Variants in SPEF2 observed in about 807,000 individuals in gnomAD.
SPEF2 encodes the protein sperm flagella and cilia-associated protein 2.
SPEF2 carries 187 observed loss-of-function variants against 224.6 expected under a neutral mutation model. The ratio of observed to expected loss-of-function variants is 0.83; its 90% CI spans 0.74 to 0.94. The LOEUF (loss-of-function observed/expected upper bound fraction) is 0.94, where lower values mean the gene tolerates loss of function less well. SPEF2 is among the 40% of genes least tolerant of loss of function. The pLI is 0.00. For synonymous variants in SPEF2, 715 were observed against 707.3 expected (o/e 1.01, Z -0.17); for missense variants, 2,170 against 2,135.6 (o/e 1.02, Z -0.32).
Position 35,771,486 on chromosome 5 carries a change from T to C in SPEF2, c.3802-123T>C, listed in dbSNP as rs905674561. The C allele has an allele frequency of 5.6e-6, 7 of 1,255,868 alleles. No individual in the cohort carries two copies. The South Asian group carries it at 1.3e-4, about 23-fold the overall frequency. The allele number at this position is 1,255,868 out of a possible 1,614,324, so 77.8% of individuals were successfully genotyped here. On this transcript the variant is annotated intron_variant, in intron 26 of 36. Transcript: ENST00000356031. ...TGGGGTGTGTTTTGTAAAGTTCGAG[T>C]ACGTGGGCACAATTGTTTACAGTGG...
intron 30 of SPEF2, chr5:35,789,491 C>T (rs1282546509): frequency 1.5e-6 from 1 of 656,406 alleles, no homozygotes; most frequent in South Asian, 1.7e-5. Context: ...TTTCTTTTCT[C>T]CCCAGACTAG....
At chr5:35,671,235 A>G (rs1216544349) in intron 10 of SPEF2, 2 of 984,058 alleles carry the variant, frequency 2.0e-6, no homozygotes, top group Non-Finnish European at 2.4e-6. Context: ...ATGAATTACA[A>G]TGAACAAAGA....
Position 35,806,868 on chromosome 5 carries a change from A to T in SPEF2, c.5172A>T (p.Leu1724=), listed in dbSNP as rs1758127713. 8 of 1,614,080 alleles carry T rather than the reference A, an allele frequency of 5.0e-6. No individual in the cohort carries two copies. The highest frequency in any genetic ancestry group is 6.8e-6 in the Non-Finnish European group (8 of 1,179,966). The change falls in exon 35 of 37, where the codon CTA becomes CTT. Residue 1724 remains leucine, a synonymous_variant. Coordinates refer to ENST00000356031, the MANE Select transcript of SPEF2 (RefSeq NM_024867.4). ...ATGAAAAGATGTCCATGGAAACACT[A>T]CTCAAAGTGTTCAAAGGGGGAAGTG... The part of the protein sequence containing the change: ...ANNEKMSMET[L]LKVFKGGSEA...
chr5:35,670,765 G>C (rs1309402089), intron 10 of SPEF2: 28 of 984,886 alleles, frequency 2.8e-5, no homozygotes, highest in Non-Finnish European at 3.3e-5. Context: ...AGACAGACTA[G>C]AGCTACATTA....
In SPEF2 at chr5:35,697,263, A is replaced by G. The variant is rs118010103; in HGVS notation, c.2038-427A>G. 1.2e-3 allele frequency among the ~76,000 whole-genome samples: 186 copies of G among 152,308 alleles called. 3 individuals carry two copies. The East Asian group carries it at 0.028, about 23-fold the overall frequency. On this transcript the variant is annotated intron_variant, in intron 14 of 36. Transcript: ENST00000356031. ...GAGTGCTAAAAGAAGACATCAAACA[A>G]GGAAGCAGCAAACAACAGGCAGAAA... is the stretch of plus-strand genomic sequence containing the variant.
chr5:35,679,284 C>T (rs16902399), intron 10 of SPEF2, among the ~76,000 whole-genome samples: 3,739 of 152,222 alleles, frequency 0.025, 118 homozygotes, highest in African/African-American at 0.068. Context: ...AGAACTGGAA[C>T]CAAGACAGTC....
intron 2 of SPEF2, among the ~76,000 whole-genome samples, chr5:35,634,943 C>A (rs2149385967): frequency 6.6e-6 from 1 of 151,978 alleles, no homozygotes; most frequent in African/African-American, 2.4e-5. Context: ...CATATTGTAT[C>A]TCCTTAGGCT....
At chr5:35,631,382 G>T (rs1178929365) in intron 2 of SPEF2, among the ~76,000 whole-genome samples, 1 of 152,140 alleles carries the variant, frequency 6.6e-6, no homozygotes, top group African/African-American at 2.4e-5. Flanking sequence ...ATATCAGTTA[G>T]TGATTAGGAA....
intron 2 of SPEF2, among the ~76,000 whole-genome samples, chr5:35,629,617 G>A (rs2149373264): frequency 6.6e-6 from 1 of 152,230 alleles, no homozygotes; most frequent in South Asian, 2.1e-4. Context: ...TATAATTTAT[G>A]TACCACAATT....
intron 30 of SPEF2, among the ~76,000 whole-genome samples, chr5:35,792,029 G>A (rs961307638): frequency 7.9e-5 from 12 of 151,892 alleles, no homozygotes; most frequent in South Asian, 4.2e-4. Flanking sequence ...TAAAAATTTA[G>A]CCTATTCTGA....
chr5:35,697,164 T>C (rs1469994905), intron 14 of SPEF2, among the ~76,000 whole-genome samples: 1 of 152,158 alleles, frequency 6.6e-6, no homozygotes, highest in Non-Finnish European at 1.5e-5. Flanking sequence ...TTCAGTGATA[T>C]TGAGTAGCTT....
rs983519846 is a variant in SPEF2, at chr5:35,710,855, G to T, written c.2839+1734G>T. ...TAAATCTATTGTTGCTTTAAAGAGT[G>T]GTTGTACTTGTCTTTTTTTCCCCAC... On this transcript the variant is annotated intron_variant, in intron 19 of 36. Transcript: ENST00000356031. 3 of 985,234 alleles carry T rather than the reference G, an allele frequency of 3.0e-6. No individual in the cohort carries two copies. In the African/African-American group the frequency reaches 5.2e-5, roughly 17 times the overall value. The allele number at this position is 985,234 out of a possible 1,614,324, so 61.0% of individuals were successfully genotyped here.
chr5:35,744,528 A>T (rs1748157982), intron 23 of SPEF2, among the ~76,000 whole-genome samples: 1 of 152,242 alleles, frequency 6.6e-6, no homozygotes, highest in Admixed American at 6.5e-5. Context: ...AGCCACAGAC[A>T]TGATGTTACT....
At chr5:35,806,376 T>A (rs1758057617) in intron 34 of SPEF2, among the ~76,000 whole-genome samples, 1 of 152,258 alleles carries the variant, frequency 6.6e-6, no homozygotes, top group Non-Finnish European at 1.5e-5. Context: ...AAGCAAATCT[T>A]GTTTAAAATC....
intron 24 of SPEF2, among the ~76,000 whole-genome samples, chr5:35,754,290 G>A (rs902005501): frequency 6.6e-6 from 1 of 152,168 alleles, no homozygotes; most frequent in Non-Finnish European, 1.5e-5. Flanking sequence ...TAGAAGACAG[G>A]TGCTGATTTT....
chr5:35,693,245 G>A (rs991726681), intron 12 of SPEF2, among the ~76,000 whole-genome samples: 1 of 152,150 alleles, frequency 6.6e-6, no homozygotes, highest in Non-Finnish European at 1.5e-5. Context: ...CTGGCCCTGG[G>A]CAGTGGCTGA....
intron 36 of SPEF2, among the ~76,000 whole-genome samples, chr5:35,811,090 T>TAAA (rs10679473): frequency 0.025 from 3,668 of 148,096 alleles, 147 homozygotes; most frequent in African/African-American, 0.083. Context: ...TCATTTTTGC[T>TAAA]AAAAAAAAAA....
chr5:35,806,978 T>G, intron 35 of SPEF2, 26 bp downstream of exon 35: 1 of 1,581,734 alleles, frequency 6.3e-7, no homozygotes, highest in Non-Finnish European at 8.6e-7. Context: ...TTGAAAAAAG[T>G]TGGCCTCAAT....
chr5:35,726,446 C>T (rs1233712808), intron 20 of SPEF2, among the ~76,000 whole-genome samples: 1 of 152,132 alleles, frequency 6.6e-6, no homozygotes, highest in African/African-American at 2.4e-5. Context: ...ACTGCCTAAA[C>T]AAAGACTTTC....
Sources: allele counts gnomAD v4.1 joint callset (sites outside exome capture counted in the v4.1 genomes callset), GRCh38; gene constraint gnomAD v4.1.1; transcripts MANE v1.5; gene names NCBI Gene and HGNC (gene_info 2026-07-23, HGNC 2026-07-21).